PACRG: variants seen among roughly 807,000 people sequenced by gnomAD.
PACRG encodes the protein parkin coregulated gene protein.
In PACRG, 29 loss-of-function variants were observed where a neutral mutation model predicts 29.7. The ratio of observed to expected loss-of-function variants is 0.98; its 90% confidence interval spans 0.73 to 1.33. The LOEUF is 1.33. PACRG is among the 40% of genes most tolerant of loss of function. The pLI, the probability that PACRG is intolerant of heterozygous loss-of-function variation, is 0.00. For missense variants in PACRG, 279 were observed against 316.2 expected, an observed-to-expected ratio of 0.88 and a Z score of 0.89; for synonymous variants, 116 against 118.7, an observed-to-expected ratio of 0.98 and a Z score of 0.15.
rs548940926 is a variant in PACRG at position 163,293,057 on chromosome 6, G to A, written c.614-21770G>A. 7.6e-4 allele frequency among the ~76,000 whole-genome samples: 115 copies of A among 152,262 alleles called. 1 individual carries two copies. The East Asian group carries it at 0.012, about 15-fold the overall frequency. ...TTCCCAGTGTATCCAGGGATTATTT[G>A]AGTCACCAGAAAAGATTTTTCGTGA... On this transcript the variant is annotated intron_variant, in intron 4 of 4. Transcript: ENST00000366888.
chr6:163,219,617 G>A (rs1179413697), intron 4 of PACRG, among the ~76,000 whole-genome samples: 1 of 151,864 alleles, frequency 6.6e-6, no homozygotes, highest in Non-Finnish European at 1.5e-5. Flanking sequence ...CAGTCAGCCT[G>A]CCTTTCCCAC....
chr6:163,306,719 G>A (rs1785208720), intron 4 of PACRG, among the ~76,000 whole-genome samples: 1 of 152,144 alleles, frequency 6.6e-6, no homozygotes, highest in Admixed American at 6.5e-5. Context: ...ACCTGATTTT[G>A]ATGCTTATGA....
intron 2 of PACRG, among the ~76,000 whole-genome samples, chr6:162,938,274 C>A (rs150552764): frequency 6.6e-6 from 1 of 152,118 alleles, no homozygotes; most frequent in Non-Finnish European, 1.5e-5. Context: ...TAAATATATA[C>A]CACAGTTTCT....
At chr6:162,944,697 G>T (rs1255292220) in intron 2 of PACRG, among the ~76,000 whole-genome samples, 2 of 151,986 alleles carry the variant, frequency 1.3e-5, no homozygotes, top group Non-Finnish European at 2.9e-5. Flanking sequence ...ATGTTTGAAA[G>T]CTTTAACAGT....
At chr6:163,017,250 A>T (rs558779883) in intron 2 of PACRG, among the ~76,000 whole-genome samples, 1 of 152,318 alleles carries the variant, frequency 6.6e-6, no homozygotes, top group South Asian at 2.1e-4. Flanking sequence ...TGATAAATAT[A>T]AACGTGGGGG....
At chr6:162,810,878 G>A (rs1786803540) in intron 1 of PACRG, among the ~76,000 whole-genome samples, 1 of 152,144 alleles carries the variant, frequency 6.6e-6, no homozygotes, top group African/African-American at 2.4e-5. Flanking sequence ...AGTACTCAAA[G>A]AAATAATGAC....
intron 4 of PACRG, among the ~76,000 whole-genome samples, chr6:163,166,534 T>A (rs1778822112): frequency 6.6e-6 from 1 of 152,226 alleles, no homozygotes; most frequent in Non-Finnish European, 1.5e-5. Flanking sequence ...AACAAAAGAT[T>A]TGAATTTGCT....
chr6:162,769,314 G>A (rs976909578), intron 1 of PACRG, among the ~76,000 whole-genome samples: 7 of 135,456 alleles, frequency 5.2e-5, no homozygotes, highest in African/African-American at 1.6e-4. Flanking sequence ...TGGGAGTTTC[G>A]AGGTGGTTTT....
rs113565449 is a variant in PACRG, at chr6:163,152,039, C to G, written c.613+62631C>G. ...TAAATGCCAAATTACAATGGCACTT[C>G]CCAGCTGTGTGCAGAACTTTATATT... On this transcript the variant is annotated intron_variant, in intron 4 of 4. Coordinates refer to ENST00000366888, the MANE Select transcript of PACRG (RefSeq NM_001080379.2). 7.4e-4 allele frequency among the ~76,000 whole-genome samples: 112 copies of G among 152,272 alleles called. 1 individual carries two copies. Among genetic ancestry groups the G allele is most frequent in the African/African-American group, 2.2e-3 (93 of 41,542 alleles).
At position 162,780,019 on chromosome 6, in the gene PACRG, A is replaced by G. The variant is rs1783971391; in HGVS notation, c.157-34128A>G. 2.0e-5 allele frequency among the ~76,000 whole-genome samples: 3 copies of G among 152,226 alleles called. No homozygotes were observed. In the South Asian group the frequency reaches 6.2e-4, roughly 31 times the overall value. ...ATTCAAGGAAGTTAAGTCGGCTAGA[A>G]TTCACAGGACAGTATGACACAGGAA... On this transcript the variant is annotated intron_variant, in intron 1 of 4. Transcript: ENST00000366888.
intron 2 of PACRG, among the ~76,000 whole-genome samples, chr6:163,016,942 A>G (rs192594833): frequency 6.6e-6 from 1 of 152,134 alleles, no homozygotes; most frequent in South Asian, 2.1e-4. Flanking sequence ...TAAGGTCAAA[A>G]TATATTTCAT....
chr6:162,816,705 T>C (rs1422367062), intron 2 of PACRG, among the ~76,000 whole-genome samples: 1 of 152,168 alleles, frequency 6.6e-6, no homozygotes, highest in Admixed American at 6.5e-5. Flanking sequence ...CATAGTTTCA[T>C]ATTTATTTCG....
Position 163,151,501 on chromosome 6 carries a change from G to A in PACRG, c.613+62093G>A, listed in dbSNP as rs143428046. Among the ~76,000 whole-genome samples the A allele has an allele frequency of 6.6e-5, 10 of 152,202 alleles. No homozygotes were observed. In the East Asian group the frequency reaches 1.9e-3, roughly 29 times the overall value. On this transcript the variant is annotated intron_variant, in intron 4 of 4. Transcript: ENST00000366888. ...AACAAATAAGGCCTCCAAAGCATGT[G>A]TTTTTCTTTGGTGTTCCTGCAAATT...
At chr6:163,229,136 GA>G (rs1326404565) in intron 4 of PACRG, among the ~76,000 whole-genome samples, 1 of 152,194 alleles carries the variant, frequency 6.6e-6, no homozygotes, top group Admixed American at 6.5e-5. Flanking sequence ...GAGGCAAGAG[GA>G]TCACTTGAGT....
At chr6:163,058,665 G>A (rs571946982) in intron 2 of PACRG, among the ~76,000 whole-genome samples, 2 of 152,312 alleles carry the variant, frequency 1.3e-5, no homozygotes, top group East Asian at 3.9e-4. Context: ...GGGAGGCCAA[G>A]GCGAGCGGAT....
chr6:163,303,203 G>A lies in PACRG; in HGVS notation c.614-11624G>A, dbSNP rs1056157410. Reference sequence around the variant, plus strand: ...AAATTAACCAGGCGTGGTAGTGCGTGGTCCCAGCTACTCGGGAGGCTGAGG... The same window carrying A: ...AAATTAACCAGGCGTGGTAGTGCGTAGTCCCAGCTACTCGGGAGGCTGAGG... On this transcript the variant is annotated intron_variant, in intron 4 of 4. Transcript: ENST00000366888. Among the ~76,000 whole-genome samples the A allele has an allele frequency of 3.9e-5, 6 of 152,058 alleles. No individual in the cohort carries two copies. In the South Asian group the frequency reaches 1.2e-3, roughly 32 times the overall value.
intron 2 of PACRG, among the ~76,000 whole-genome samples, chr6:162,872,548 C>T (rs1792913376): frequency 6.6e-6 from 1 of 152,066 alleles, no homozygotes; most frequent in Non-Finnish European, 1.5e-5. Context: ...AGCCTTTTGG[C>T]TTTCTAAAAA....
intron 2 of PACRG, among the ~76,000 whole-genome samples, chr6:163,037,829 C>T (rs1342841944): frequency 6.6e-6 from 1 of 152,218 alleles, no homozygotes; most frequent in Non-Finnish European, 1.5e-5. Context: ...GTCTCTCCTG[C>T]CTCTGCTGCC....
intron 4 of PACRG, among the ~76,000 whole-genome samples, chr6:163,206,161 C>T (rs1352904286): frequency 1.3e-5 from 2 of 152,124 alleles, no homozygotes; most frequent in Non-Finnish European, 2.9e-5. Context: ...GGTGATTCCT[C>T]AAAGAACTTA....
Sources: allele counts gnomAD v4.1 joint callset (sites outside exome capture counted in the v4.1 genomes callset), GRCh38; gene constraint gnomAD v4.1.1; transcripts MANE v1.5; gene names NCBI Gene and HGNC (gene_info 2026-07-23, HGNC 2026-07-21).